The following CNTN4 variants were observed in gnomAD, a reference collection of about 807,000 sequenced individuals.
The protein encoded by CNTN4 is contactin 4.
Under a neutral mutation model 122.5 loss-of-function variants are expected in CNTN4, and 77 were observed. That is an observed-to-expected ratio of 0.63 (90% CI 0.52 to 0.76). The LOEUF (loss-of-function observed/expected upper bound fraction) is 0.76, where lower values mean the gene tolerates loss of function less well. Ranked by LOEUF, CNTN4 falls within the 30% of genes least tolerant of loss-of-function variation. The probability of loss-of-function intolerance (pLI) is 0.00; values close to 1 mark genes in which losing one functional copy is unlikely to be tolerated. For synonymous variants in CNTN4, 512 were observed against 447.0 expected (o/e 1.15, Z -1.83); for missense variants, 1,256 against 1,259.1 (o/e 1.00, Z 0.04).
chr3:2,992,289 C>G (rs1041881934), intron 14 of CNTN4, among the ~76,000 whole-genome samples: 3 of 152,154 alleles, frequency 2.0e-5, no homozygotes, highest in African/African-American at 7.2e-5. Flanking sequence ...CTAAATTTTA[C>G]TGGTTTTGTT....
rs1443049906 is a variant in CNTN4, at chr3:2,915,699, G to C, written c.1208-9930G>C. Among the ~76,000 whole-genome samples, 8 of 152,206 alleles carry C rather than the reference G, an allele frequency of 5.3e-5. No individual in the cohort carries two copies. In the East Asian group the frequency reaches 1.5e-3, roughly 29 times the overall value. ...TATAATCTGGCAATCCTAACATTTG[G>C]TATATATTCAAAATAACTGAAAACA... On this transcript the variant is annotated intron_variant, in intron 12 of 24. Coordinates refer to ENST00000418658, the MANE Select transcript of CNTN4 (RefSeq NM_175607.3).
In CNTN4 at chr3:2,840,743, A is replaced by C. The variant is rs554828692; in HGVS notation, c.454+21162A>C. ...ATAAAAAAATAAAAGCTGGACGACTAGATTTTTAAAAAATGTTTAGTCTCC... is the reference window on the plus strand; with the variant it reads ...ATAAAAAAATAAAAGCTGGACGACTCGATTTTTAAAAAATGTTTAGTCTCC... On this transcript the variant is annotated intron_variant, in intron 7 of 24. Transcript: ENST00000418658. Among the ~76,000 whole-genome samples the C allele has an allele frequency of 8.2e-4, 125 of 152,092 alleles. 1 individual carries two copies. Among genetic ancestry groups the C allele is most frequent in the African/African-American group, 2.9e-3 (121 of 41,516 alleles).
rs559208295 is a variant in CNTN4 at position 2,671,077 on chromosome 3, T to C, written c.56-65138T>C. 3.9e-5 allele frequency among the ~76,000 whole-genome samples: 6 copies of C among 152,234 alleles called. No individual in the cohort carries two copies. The South Asian group carries it at 1.2e-3, about 32-fold the overall frequency. On this transcript the variant is annotated intron_variant, in intron 4 of 24. Transcript: ENST00000418658. ...AATCTGACAATTATGTGTCTTGGAGTTGCTCTTCTCGAGGAGTATCTTTGT... is the reference window on the plus strand; with the variant it reads ...AATCTGACAATTATGTGTCTTGGAGCTGCTCTTCTCGAGGAGTATCTTTGT...
At chr3:2,549,436 T>G (rs894038108) in intron 3 of CNTN4, among the ~76,000 whole-genome samples, 1 of 152,200 alleles carries the variant, frequency 6.6e-6, no homozygotes, top group East Asian at 1.9e-4. Context: ...TCGAGAACTT[T>G]TCTGCATCTA....
chr3:2,550,885 G>A (rs931509313), intron 3 of CNTN4, among the ~76,000 whole-genome samples: 16 of 152,090 alleles, frequency 1.1e-4, no homozygotes, highest in African/African-American at 3.9e-4. Context: ...TCTCTCATAA[G>A]TGGGAGTTGA....
chr3:2,996,063 C>A (rs1265445373), intron 14 of CNTN4, among the ~76,000 whole-genome samples: 1 of 151,970 alleles, frequency 6.6e-6, no homozygotes, highest in East Asian at 1.9e-4. Flanking sequence ...ATAATGTTTG[C>A]ATACAGAATA....
chr3:2,993,826 A>G (rs768296018), intron 14 of CNTN4, among the ~76,000 whole-genome samples: 1 of 152,176 alleles, frequency 6.6e-6, no homozygotes, highest in East Asian at 1.9e-4. Flanking sequence ...GGAAATTTCC[A>G]CATGTCCTTG....
chr3:2,840,396 T>C (rs1469896584), intron 7 of CNTN4, among the ~76,000 whole-genome samples: 1 of 151,916 alleles, frequency 6.6e-6, no homozygotes, highest in Non-Finnish European at 1.5e-5. Flanking sequence ...TCCTCCACCT[T>C]CTTCCTTCTT....
chr3:2,120,811 C>T (rs1038968624), intron 2 of CNTN4, among the ~76,000 whole-genome samples: 1 of 82,390 alleles, frequency 1.2e-5, no homozygotes, highest in African/African-American at 3.2e-5. Context: ...GAAATACTGT[C>T]TAAGTGAATT....
At chr3:2,309,848 A>G (rs1224764089) in intron 2 of CNTN4, among the ~76,000 whole-genome samples, 1 of 152,172 alleles carries the variant, frequency 6.6e-6, no homozygotes, top group Non-Finnish European at 1.5e-5. Context: ...CACATGTGGA[A>G]AGTCTCAGGA....
At chr3:2,916,746 A>G (rs1294383592) in intron 12 of CNTN4, among the ~76,000 whole-genome samples, 13 of 142,842 alleles carry the variant, frequency 9.1e-5, no homozygotes, top group African/African-American at 2.6e-4. Context: ...GCGGCCGGGC[A>G]GAGGGGCTCC....
At chr3:2,549,084 T>C (rs965478245) in intron 3 of CNTN4, among the ~76,000 whole-genome samples, 8 of 151,722 alleles carry the variant, frequency 5.3e-5, no homozygotes, top group Admixed American at 2.0e-4. Flanking sequence ...AGCTGAGACG[T>C]TGGGGTTTCT....
chr3:2,541,426 A>G (rs1312775479), intron 3 of CNTN4, among the ~76,000 whole-genome samples: 1 of 152,104 alleles, frequency 6.6e-6, no homozygotes, highest in African/African-American at 2.4e-5. Flanking sequence ...GTCAAGAGAA[A>G]AACCGTTTTT....
intron 2 of CNTN4, among the ~76,000 whole-genome samples, chr3:2,177,861 A>G (rs1056444717): frequency 1.4e-4 from 22 of 152,158 alleles, no homozygotes; most frequent in African/African-American, 5.3e-4. Context: ...TTGACCAAAC[A>G]ACTGGGCCCC....
At chr3:2,300,919 A>G (rs1225041627) in intron 2 of CNTN4, among the ~76,000 whole-genome samples, 1 of 152,136 alleles carries the variant, frequency 6.6e-6, no homozygotes, top group Non-Finnish European at 1.5e-5. Context: ...CCTGGAAAAT[A>G]GCATGAAGGC....
At chr3:3,000,866 GTCTT>G (rs573284367) in intron 14 of CNTN4, among the ~76,000 whole-genome samples, 2,321 of 144,818 alleles carry the variant, frequency 0.016, 28 homozygotes, top group Non-Finnish European at 0.022. Flanking sequence ...TTACTGTAGA[GTCTT>G]TCTTTCTTTC....
chr3:3,010,463 A>G (rs377536522), intron 14 of CNTN4, among the ~76,000 whole-genome samples: 8 of 74,908 alleles, frequency 1.1e-4, no homozygotes, highest in African/African-American at 4.4e-4. Context: ...GGCTTATGCC[A>G]TTAAAAAAAA....
chr3:2,376,688 T>TA (rs11404151), intron 3 of CNTN4, among the ~76,000 whole-genome samples: 41,982 of 134,310 alleles, frequency 0.31, 6,670 homozygotes, highest in Admixed American at 0.41. Context: ...ACTTGTATGT[T>TA]AAAAAAAAAA....
At chr3:3,001,493 T>C (rs1397420991) in intron 14 of CNTN4, among the ~76,000 whole-genome samples, 6 of 152,224 alleles carry the variant, frequency 3.9e-5, no homozygotes, top group Admixed American at 3.9e-4. Context: ...TCATGGCTAA[T>C]TTGACTTGAA....
Sources: allele counts gnomAD v4.1 joint callset (sites outside exome capture counted in the v4.1 genomes callset), GRCh38; gene constraint gnomAD v4.1.1; transcripts MANE v1.5; gene names NCBI Gene and HGNC (gene_info 2026-07-23, HGNC 2026-07-21).